Variants in RALYL observed in about 807,000 individuals in gnomAD.
RALYL encodes the protein RNA-binding Raly-like protein.
A neutral mutation model predicts 35.1 loss-of-function variants in RALYL; 29 were observed. The ratio of observed to expected loss-of-function variants is 0.83; its 90% CI spans 0.61 to 1.13. The LOEUF is 1.13. Among genes scored for constraint, RALYL ranks in the 50% most tolerant of loss-of-function variants. The pLI is 0.00. For synonymous variants in RALYL, 120 were observed against 127.6 expected (o/e 0.94, Z 0.40); for missense variants, 359 against 360.4 (o/e 1.00, Z 0.03).
intron 2 of RALYL, among the ~76,000 whole-genome samples, chr8:84,569,496 G>A (rs1807389322): frequency 6.6e-6 from 1 of 151,472 alleles, no homozygotes; most frequent in Non-Finnish European, 1.5e-5. Context: ...GTCCTTTGTT[G>A]GAGGCATAAT....
At chr8:84,248,901 C>T (rs935133329) in intron 1 of RALYL, among the ~76,000 whole-genome samples, 2 of 151,954 alleles carry the variant, frequency 1.3e-5, no homozygotes, top group Non-Finnish European at 2.9e-5. Flanking sequence ...TTAAAGGTAG[C>T]TTGAAATACC....
intron 1 of RALYL, among the ~76,000 whole-genome samples, chr8:84,414,654 G>T (rs1167096541): frequency 6.6e-6 from 1 of 152,268 alleles, no homozygotes; most frequent in South Asian, 2.1e-4. Context: ...AAAATGCTGA[G>T]TGCCATTTTG....
chr8:84,263,461 AT>A (rs199850578), intron 1 of RALYL, among the ~76,000 whole-genome samples: 2,516 of 152,334 alleles, frequency 0.017, 24 homozygotes, highest in Middle Eastern at 0.045. Flanking sequence ...AGTATAATGT[AT>A]AAAAAATCTA....
intron 2 of RALYL, chr8:84,679,333 A>G (rs1317047702): frequency 3.8e-6 from 1 of 263,676 alleles, no homozygotes; most frequent in Non-Finnish European, 7.6e-6. Context: ...GGCTGTAGGG[A>G]ACAGATTGAG....
chr8:84,708,517 A>C (rs912132791), intron 2 of RALYL, among the ~76,000 whole-genome samples: 1 of 152,186 alleles, frequency 6.6e-6, no homozygotes, highest in African/African-American at 2.4e-5. Flanking sequence ...AAATGTTTGC[A>C]TATATCAGAT....
intron 2 of RALYL, among the ~76,000 whole-genome samples, chr8:84,594,553 G>A (rs1040297332): frequency 2.0e-4 from 31 of 151,810 alleles, no homozygotes; most frequent in African/African-American, 7.3e-4. Context: ...GAGAGCTAAA[G>A]CATTTTACTT....
intron 2 of RALYL, among the ~76,000 whole-genome samples, chr8:84,710,158 T>C (rs1841935908): frequency 6.6e-6 from 1 of 152,196 alleles, no homozygotes; most frequent in South Asian, 2.1e-4. Context: ...TTCTTGTTGA[T>C]AGATGGCCTT....
chr8:84,625,764 T>C (rs1822581682), intron 2 of RALYL, among the ~76,000 whole-genome samples: 1 of 152,148 alleles, frequency 6.6e-6, no homozygotes, highest in Non-Finnish European at 1.5e-5. Context: ...ATGACCAGAA[T>C]ATAAAGAATA....
At chr8:84,573,630 CTCTT>C (rs1489732720) in intron 2 of RALYL, among the ~76,000 whole-genome samples, 1 of 151,690 alleles carries the variant, frequency 6.6e-6, no homozygotes, top group Admixed American at 6.6e-5. Flanking sequence ...TTATTTTTCT[CTCTT>C]TTTGAACTCC....
chr8:84,294,362 G>T (rs2132269538), intron 1 of RALYL, among the ~76,000 whole-genome samples: 1 of 152,192 alleles, frequency 6.6e-6, no homozygotes, highest in Non-Finnish European at 1.5e-5. Flanking sequence ...ATTTGAGGAT[G>T]ATTTTTATAC....
intron 1 of RALYL, among the ~76,000 whole-genome samples, chr8:84,227,786 A>G (rs1303863107): frequency 6.6e-6 from 1 of 152,166 alleles, no homozygotes; most frequent in Non-Finnish European, 1.5e-5. Context: ...TATGAATCAA[A>G]TCTTAGAAAT....
chr8:84,828,556 T>G (rs1830182334), intron 4 of RALYL: 1 of 157,480 alleles, frequency 6.4e-6, no homozygotes, highest in Non-Finnish European at 1.5e-5. Flanking sequence ...TTGACAATTG[T>G]CTTTCTAAAA....
intron 8 of RALYL, among the ~76,000 whole-genome samples, chr8:84,916,442 G>C (rs2135747664): frequency 6.6e-6 from 1 of 152,054 alleles, no homozygotes; most frequent in South Asian, 2.1e-4. Flanking sequence ...TCTGGTGGGA[G>C]GTAATTGCGT....
intron 2 of RALYL, among the ~76,000 whole-genome samples, chr8:84,728,997 T>G (rs1217504397): frequency 3.3e-5 from 5 of 152,174 alleles, no homozygotes; most frequent in African/African-American, 1.2e-4. Flanking sequence ...AGTAGTTTTT[T>G]CCAATTCTGT....
At chr8:84,184,869 A>G in intron 1 of RALYL, 1 of 1,098,964 alleles carries the variant, frequency 9.1e-7, no homozygotes, top group South Asian at 1.3e-5. Context: ...AGATGGGGGT[A>G]GAAGCGGCAG....
chr8:84,339,760 G>A (rs73294906), intron 1 of RALYL, among the ~76,000 whole-genome samples: 1,815 of 152,020 alleles, frequency 0.012, 49 homozygotes, highest in African/African-American at 0.041. Flanking sequence ...AGAAAAATTT[G>A]CAGTAAGCTG....
At chr8:84,521,610 T>A (rs1447088435) in intron 1 of RALYL, among the ~76,000 whole-genome samples, 1 of 152,194 alleles carries the variant, frequency 6.6e-6, no homozygotes, top group African/African-American at 2.4e-5. Flanking sequence ...CCCCAAGAGA[T>A]AGTTTACCAC....
chr8:84,585,409 G>T (rs1442290868), intron 2 of RALYL, among the ~76,000 whole-genome samples: 1 of 152,034 alleles, frequency 6.6e-6, no homozygotes, highest in Non-Finnish European at 1.5e-5. Flanking sequence ...ATTTATTACT[G>T]ATTCATAGTA....
At chr8:84,579,731 G>T (rs1730816) in intron 2 of RALYL, among the ~76,000 whole-genome samples, 45,270 of 151,960 alleles carry the variant, frequency 0.3, 7,566 homozygotes, top group African/African-American at 0.46. Context: ...TTTTGGAATT[G>T]GAGAAAATTG....
Sources: allele counts gnomAD v4.1 joint callset (sites outside exome capture counted in the v4.1 genomes callset), GRCh38; gene constraint gnomAD v4.1.1; transcripts MANE v1.5; gene names NCBI Gene and HGNC (gene_info 2026-07-23, HGNC 2026-07-21).